Variants in TPD52 observed in about 807,000 individuals in gnomAD.
The protein encoded by TPD52 is tumor protein D52.
A neutral mutation model predicts 31.3 loss-of-function variants in TPD52; 17 were observed. The observed-to-expected ratio is 0.54, with a 90% confidence interval of 0.37 to 0.82. TPD52 has a LOEUF of 0.82. Ranked by LOEUF, TPD52 falls within the 40% of genes least tolerant of loss-of-function variation. The pLI, the probability that TPD52 is intolerant of heterozygous loss-of-function variation, is 0.00. For missense variants in TPD52, 212 were observed against 240.1 expected, an observed-to-expected ratio of 0.88 and a Z score of 0.77; for synonymous variants, 83 against 89.6, an observed-to-expected ratio of 0.93 and a Z score of 0.42.
intron 1 of TPD52, among the ~76,000 whole-genome samples, chr8:80,122,244 G>C (rs1235447445): frequency 6.6e-6 from 1 of 152,188 alleles, no homozygotes; most frequent in Non-Finnish European, 1.5e-5. Flanking sequence ...CAGGAAAACA[G>C]AGGGAACTGG....
chr8:80,129,533 C>T (rs569973081), intron 1 of TPD52, among the ~76,000 whole-genome samples: 1 of 152,136 alleles, frequency 6.6e-6, no homozygotes, highest in Non-Finnish European at 1.5e-5. Context: ...GCTAAGTGCT[C>T]ATCACTCTTC....
At chr8:80,089,997 C>T (rs1179153927) in intron 1 of TPD52, among the ~76,000 whole-genome samples, 3 of 152,086 alleles carry the variant, frequency 2.0e-5, no homozygotes, top group African/African-American at 7.2e-5. Context: ...CTGGTGATCT[C>T]GCACTGAAGT....
chr8:80,050,039 C>A (rs1381080792), intron 5 of TPD52, among the ~76,000 whole-genome samples: 1 of 152,064 alleles, frequency 6.6e-6, no homozygotes, highest in African/African-American at 2.4e-5. Context: ...CAGTCTGTTA[C>A]AATTGTGTAA....
intron 1 of TPD52, among the ~76,000 whole-genome samples, chr8:80,145,391 G>A (rs1457705992): frequency 1.3e-5 from 2 of 152,164 alleles, no homozygotes; most frequent in South Asian, 4.1e-4. Context: ...ACAAAAGGTC[G>A]AACACATTTT....
In TPD52 at chr8:80,035,593, A is replaced by G. The variant is rs1344114990; in HGVS notation, c.*2523T>C. On this transcript the variant is annotated 3_prime_UTR_variant, in exon 8 of 8. Coordinates refer to ENST00000518937, the MANE Select transcript of TPD52 (RefSeq NM_001025253.3). Reference sequence around the variant, plus strand: ...CTTAACAGATCCAGATCCAAATTAAATACTTTTTTTCTATTTCAAACTATT... The same window carrying G: ...CTTAACAGATCCAGATCCAAATTAAGTACTTTTTTTCTATTTCAAACTATT... The G allele has an allele frequency of 2.6e-5, 4 of 152,238 alleles. No individual in the cohort carries two copies. Among genetic ancestry groups the G allele is most frequent in the Non-Finnish European group, 4.4e-5 (3 of 68,034 alleles). 9.4% of individuals were successfully genotyped at this position (152,238 alleles called of 1,614,324 possible).
intron 2 of TPD52, among the ~76,000 whole-genome samples, chr8:80,054,744 G>A (rs372379471): frequency 3.5e-5 from 5 of 144,644 alleles, no homozygotes; most frequent in African/African-American, 7.6e-5. Context: ...CAGCTGCCAA[G>A]AAAAAAAAAA....
At chr8:80,106,882 C>T (rs142202695) in intron 1 of TPD52, among the ~76,000 whole-genome samples, 3,896 of 147,290 alleles carry the variant, frequency 0.026, 182 homozygotes, top group African/African-American at 0.092. Context: ...GACGGAGTTT[C>T]GCTCTGTTGC....
intron 1 of TPD52, among the ~76,000 whole-genome samples, chr8:80,128,494 C>CAAAAAAAAAAAAAA (rs3053828): frequency 2.3e-4 from 19 of 83,110 alleles, no homozygotes; most frequent in African/African-American, 7.4e-4. Context: ...CCTGTCTCTA[C>CAAAAAAAAAAAAAA]AAAAAAAAAA....
chr8:80,042,145 C>G, intron 7 of TPD52: 3 of 972,738 alleles, frequency 3.1e-6, no homozygotes, highest in Non-Finnish European at 3.7e-6. Context: ...AAAGAGAATA[C>G]TTACTGATAC....
At chr8:80,103,166 G>T (rs933787319) in intron 1 of TPD52, among the ~76,000 whole-genome samples, 3 of 152,134 alleles carry the variant, frequency 2.0e-5, no homozygotes, top group African/African-American at 7.2e-5. Flanking sequence ...CCAAGGAGGT[G>T]AGTCATGGAA....
At chr8:80,045,156 A>G (rs1027831416) in intron 5 of TPD52, among the ~76,000 whole-genome samples, 4 of 152,210 alleles carry the variant, frequency 2.6e-5, no homozygotes, top group Non-Finnish European at 5.9e-5. Flanking sequence ...CTATCCTACA[A>G]TGGTGGTCAA....
chr8:80,085,939 G>C (rs1178179713), intron 1 of TPD52, among the ~76,000 whole-genome samples: 1 of 152,048 alleles, frequency 6.6e-6, no homozygotes, highest in East Asian at 1.9e-4. Flanking sequence ...CTGACTGAAG[G>C]ATAGAGATGG....
At chr8:80,082,174 C>T (rs762548983) in intron 1 of TPD52, among the ~76,000 whole-genome samples, 10 of 149,820 alleles carry the variant, frequency 6.7e-5, no homozygotes, top group Non-Finnish European at 1.3e-4. Context: ...TATTTTTCTC[C>T]TAAAAGGTAC....
intron 2 of TPD52, among the ~76,000 whole-genome samples, chr8:80,060,120 T>A: frequency 7.0e-6 from 1 of 142,060 alleles, no homozygotes; most frequent in Admixed American, 7.1e-5. Context: ...TGAGTGAAAT[T>A]GACAAACCTA....
intron 1 of TPD52, among the ~76,000 whole-genome samples, chr8:80,115,084 C>T (rs1340813602): frequency 6.6e-6 from 1 of 152,162 alleles, no homozygotes; most frequent in Admixed American, 6.5e-5. Context: ...TATAATGCTC[C>T]TTTTGTTTTT....
At chr8:80,071,921 C>A (rs1038348049) in intron 1 of TPD52, among the ~76,000 whole-genome samples, 1 of 152,184 alleles carries the variant, frequency 6.6e-6, no homozygotes, top group Non-Finnish European at 1.5e-5. Context: ...CTCCCCAGCA[C>A]CTGCCCCATC....
At chr8:80,034,118 C>T (rs918638714), downstream of TPD52, among the ~76,000 whole-genome samples, 12 of 152,122 alleles carry the variant, frequency 7.9e-5, no homozygotes, top group African/African-American at 2.9e-4. Flanking sequence ...TGGGAGGGGG[C>T]CGAGGTAGCA....
intron 1 of TPD52, among the ~76,000 whole-genome samples, chr8:80,121,822 C>T (rs1808278488): frequency 6.6e-6 from 1 of 152,158 alleles, no homozygotes; most frequent in Non-Finnish European, 1.5e-5. Context: ...TCCAGTCTGG[C>T]TTTATCCCTT....
At chr8:80,136,167 C>A in intron 1 of TPD52, among the ~76,000 whole-genome samples, 2 of 77,652 alleles carry the variant, frequency 2.6e-5, no homozygotes, top group Non-Finnish European at 5.7e-5. Flanking sequence ...AAAAAAATTT[C>A]AGTCTTTGAG....
Sources: allele counts gnomAD v4.1 joint callset (sites outside exome capture counted in the v4.1 genomes callset), GRCh38; gene constraint gnomAD v4.1.1; transcripts MANE v1.5; gene names NCBI Gene and HGNC (gene_info 2026-07-23, HGNC 2026-07-21).